FBLN7: variants seen among roughly 807,000 people sequenced by gnomAD.
FBLN7 encodes fibulin 7, also known as fibulin-7.
FBLN7 carries 31 observed loss-of-function variants against 44.0 expected under a neutral mutation model. That is an observed-to-expected ratio of 0.70 (90% confidence interval 0.53 to 0.95). The LOEUF (loss-of-function observed/expected upper bound fraction) is 0.95. Among genes scored for constraint, FBLN7 ranks in the 40% least tolerant of loss-of-function variants. The pLI is 0.00. For missense variants in FBLN7, 573 were observed against 618.5 expected (o/e 0.93, Z 0.78); for synonymous variants, 262 against 253.4 (o/e 1.03, Z -0.32).
At chr2:112,159,968 C>T (rs1351195191) in intron 2 of FBLN7, 133 bp downstream of exon 2, 18 of 616,048 alleles carry the variant, frequency 2.9e-5, no homozygotes, top group Non-Finnish European at 3.8e-5. Flanking sequence ...ACTGTGGCCC[C>T]CCCTTTTTTA....
chr2:112,179,593 T>G (rs1215166261), intron 4 of FBLN7, among the ~76,000 whole-genome samples: 1 of 152,110 alleles, frequency 6.6e-6, no homozygotes, highest in African/African-American at 2.4e-5. Context: ...CTTCAAACTA[T>G]ACCACAAGGC....
the FBLN7 span, chr2:112,213,473 C>T: frequency 1.3e-5 from 2 of 151,648 alleles, no homozygotes; most frequent in Non-Finnish European, 2.9e-5. Flanking sequence ...ATTATCTCAC[C>T]AACAGATAAA....
intron 1 of FBLN7, among the ~76,000 whole-genome samples, chr2:112,148,960 A>C (rs1558870881): frequency 6.6e-6 from 1 of 152,214 alleles, no homozygotes; most frequent in South Asian, 2.1e-4. Flanking sequence ...GTCTCCTTGC[A>C]TATGGCGTTG....
chr2:112,182,824 G>A lies in FBLN7; in HGVS notation c.704G>A (p.Gly235Glu). ...VNECELYGQE[G>E]RPRLCMHACV... The stretch of plus-strand genomic sequence containing the variant: ...GAGTGTGAGCTCTACGGGCAGGAGG[G>A]GCGCCCCCGGCTCTGCATGCACGCC... The change falls in exon 6 of 8, where the codon GGG becomes GAG. Residue 235 changes from glycine to glutamate, a missense_variant. Transcript: ENST00000331203. 2 of 1,610,400 alleles carry A rather than the reference G, an allele frequency of 1.2e-6. No homozygotes were observed. Among genetic ancestry groups the A allele is most frequent in the Non-Finnish European group, 1.7e-6 (2 of 1,178,804 alleles).
chr2:112,238,568 T>C, the FBLN7 span: 2 of 1,521,874 alleles, frequency 1.3e-6, no homozygotes, highest in Admixed American at 3.7e-5. Context: ...AAACCTAGCA[T>C]GATTCAAAAC....
chr2:112,190,243 A>T (rs1400136238), downstream of FBLN7: 2 of 152,200 alleles, frequency 1.3e-5, no homozygotes, highest in Non-Finnish European at 2.9e-5. Flanking sequence ...GAGGAGCAAA[A>T]TATCTGGTTG....
At chr2:112,171,657 A>T (rs1388210580) in intron 3 of FBLN7, among the ~76,000 whole-genome samples, 1 of 152,232 alleles carries the variant, frequency 6.6e-6, no homozygotes, top group African/African-American at 2.4e-5. Flanking sequence ...ATCTAAGCAC[A>T]TACACATACA....
At chr2:112,147,572 C>T (rs973587766) in intron 1 of FBLN7, among the ~76,000 whole-genome samples, 15 of 152,174 alleles carry the variant, frequency 9.9e-5, no homozygotes, top group Non-Finnish European at 1.9e-4. Context: ...GTCCCTGGAG[C>T]CCAGACTCCC....
chr2:112,238,814 C>A, the FBLN7 span, among the ~76,000 whole-genome samples: 1 of 152,172 alleles, frequency 6.6e-6, no homozygotes, highest in African/African-American at 2.4e-5. Context: ...GTGCCTTTGA[C>A]TGAATTAAAA....
rs201195702 is a variant in FBLN7, at chr2:112,187,177, C to T, written c.991C>T (p.Arg331Cys). The T allele has an allele frequency of 8.6e-5, 139 of 1,613,984 alleles. No homozygotes were observed. Among genetic ancestry groups the T allele is most frequent in the Admixed American group, 1.3e-4 (8 of 60,006 alleles). ...NPCPMDSRPC[R>C]HLPKTISFHY... The stretch of plus-strand genomic sequence containing the variant: ...CTGCCCCATGGACAGCAGGCCCTGC[C>T]GCCATCTGCCCAAGACCATCTCCTT... The change falls in exon 8 of 8, where the codon CGC (arginine) becomes TGC (cysteine). Residue 331 changes from arginine (R) to cysteine (C), a missense_variant. Physicochemically the swap from Arg to Cys is radical, Grantham distance 180 (BLOSUM62 -3). Coordinates refer to ENST00000331203, the MANE Select transcript of FBLN7 (RefSeq NM_153214.3). This position sits in a 1 kb window ranked among gnomAD's most constrained non-coding sequence, Gnocchi z 5.1.
chr2:112,180,433 G>A (rs1463728062), intron 4 of FBLN7, among the ~76,000 whole-genome samples: 1 of 152,160 alleles, frequency 6.6e-6, no homozygotes, highest in Non-Finnish European at 1.5e-5. Context: ...AAGCAGTATG[G>A]TGATTCCTCA....
the FBLN7 span, among the ~76,000 whole-genome samples, chr2:112,197,161 T>G: frequency 6.6e-6 from 1 of 151,576 alleles, no homozygotes; most frequent in Non-Finnish European, 1.5e-5. Context: ...TGATGTTATT[T>G]AGTAATAATG....
At chr2:112,230,881 A>G in the FBLN7 span, 2 of 1,295,430 alleles carry the variant, frequency 1.5e-6, no homozygotes, top group Non-Finnish European at 2.0e-6. Flanking sequence ...AAAAAAAGAA[A>G]TGTGGTAAAT....
the FBLN7 span, among the ~76,000 whole-genome samples, chr2:112,209,505 G>A: frequency 2.6e-5 from 4 of 152,170 alleles, no homozygotes; most frequent in African/African-American, 9.7e-5. Flanking sequence ...TAAACTTAGG[G>A]AGTGAAGAAA....
chr2:112,176,109 G>T (rs1682726432), intron 4 of FBLN7: 1 of 275,998 alleles, frequency 3.6e-6, no homozygotes, highest in African/African-American at 2.2e-5. Context: ...AAATCCCCTA[G>T]ATTGGGAATG....
At chr2:112,167,652 A>T (rs745408507) in intron 3 of FBLN7, among the ~76,000 whole-genome samples, 123 of 152,314 alleles carry the variant, frequency 8.1e-4, no homozygotes, top group Admixed American at 1.4e-3. Context: ...TGAGACCCAA[A>T]ACATCTGCAT....
chr2:112,152,944 G>A (rs781435089), intron 1 of FBLN7: 7 of 151,968 alleles, frequency 4.6e-5, no homozygotes, highest in Non-Finnish European at 7.4e-5. Context: ...ATATGTATAC[G>A]TATGCATGTG....
chr2:112,190,854 C>G (rs773370616), downstream of FBLN7, among the ~76,000 whole-genome samples: 16 of 152,130 alleles, frequency 1.1e-4, no homozygotes, highest in Non-Finnish European at 2.2e-4. Context: ...ATCATAGTTT[C>G]TTGGCTTTAG....
chr2:112,149,700 G>A (rs1681058326), intron 1 of FBLN7, among the ~76,000 whole-genome samples: 1 of 152,172 alleles, frequency 6.6e-6, no homozygotes, highest in African/African-American at 2.4e-5. Context: ...ATGCTCTTCA[G>A]TAACTGCCTG....
Sources: allele counts gnomAD v4.1 joint callset (sites outside exome capture counted in the v4.1 genomes callset), GRCh38; gene constraint gnomAD v4.1.1; non-coding constraint Gnocchi (gnomAD v3.1); transcripts MANE v1.5; gene names NCBI Gene and HGNC (gene_info 2026-07-23, HGNC 2026-07-21).